The following FAT3 variants were observed in gnomAD, a reference collection of about 807,000 sequenced individuals.
FAT3 encodes FAT atypical cadherin 3.
Under a neutral mutation model 310.2 loss-of-function variants are expected in FAT3, and 95 were observed. The ratio of observed to expected loss-of-function variants is 0.31; its 90% CI spans 0.26 to 0.36. The LOEUF is 0.36. Among genes scored for constraint, FAT3 ranks in the 10% least tolerant of loss-of-function variants. The pLI is 1.00. For synonymous variants in FAT3, 2,314 were observed against 2,192.9 expected (o/e 1.06, Z -1.54); for missense variants, 5,408 against 5,715.6 (o/e 0.95, Z 1.74).
chr11:92,761,161 T>C (rs915819123), intron 4 of FAT3, among the ~76,000 whole-genome samples: 1 of 152,160 alleles, frequency 6.6e-6, no homozygotes, highest in Non-Finnish European at 1.5e-5. Context: ...AATTTATTGT[T>C]CACAATTCTG....
chr11:92,535,160 C>T (rs930670885), intron 3 of FAT3, among the ~76,000 whole-genome samples: 2 of 152,102 alleles, frequency 1.3e-5, no homozygotes, highest in African/African-American at 4.8e-5. Context: ...ACTCCGTATG[C>T]CAAGGTGCTG....
chr11:92,472,568 C>T (rs1336677989), intron 2 of FAT3, among the ~76,000 whole-genome samples: 1 of 152,096 alleles, frequency 6.6e-6, no homozygotes, highest in Non-Finnish European at 1.5e-5. Context: ...AAGATGTTTC[C>T]AGCTAAGATA....
intron 2 of FAT3, among the ~76,000 whole-genome samples, chr11:92,411,803 T>C (rs916819164): frequency 6.6e-6 from 1 of 152,110 alleles, no homozygotes; most frequent in African/African-American, 2.4e-5. Context: ...TTTCCTCTGT[T>C]TGCATTCTCG....
At chr11:92,419,928 A>G (rs949078627) in intron 2 of FAT3, among the ~76,000 whole-genome samples, 3 of 152,208 alleles carry the variant, frequency 2.0e-5, no homozygotes, top group African/African-American at 7.2e-5. Flanking sequence ...GTCTTCGGGA[A>G]GATAGGAAAT....
chr11:92,478,135 T>C (rs1050492868), intron 2 of FAT3, among the ~76,000 whole-genome samples: 22 of 152,198 alleles, frequency 1.4e-4, no homozygotes, highest in African/African-American at 5.3e-4. Context: ...CCAAATAAAA[T>C]GTTTTCCTAG....
chr11:92,371,963 C>T (rs944017061), intron 2 of FAT3, among the ~76,000 whole-genome samples: 5 of 152,190 alleles, frequency 3.3e-5, no homozygotes, highest in Middle Eastern at 3.4e-3. Context: ...CATATAAATT[C>T]GTGTGTTTTT....
chr11:92,717,127 G>A (rs2135962663), intron 4 of FAT3, among the ~76,000 whole-genome samples: 1 of 152,242 alleles, frequency 6.6e-6, no homozygotes, highest in East Asian at 1.9e-4. Context: ...AGAATGTCTT[G>A]CGTACAGTAA....
intron 1 of FAT3, among the ~76,000 whole-genome samples, chr11:92,271,730 G>A (rs1305613777): frequency 6.6e-6 from 1 of 152,126 alleles, no homozygotes; most frequent in Non-Finnish European, 1.5e-5. Context: ...AAAGAGAGAG[G>A]TAACAATTTG....
intron 4 of FAT3, among the ~76,000 whole-genome samples, chr11:92,723,718 C>G (rs1050758617): frequency 1.3e-5 from 2 of 152,168 alleles, no homozygotes; most frequent in African/African-American, 4.8e-5. Flanking sequence ...AAAGGCACAT[C>G]TTATGTGGTG....
At chr11:92,426,339 A>T (rs1950632837) in intron 2 of FAT3, among the ~76,000 whole-genome samples, 1 of 151,986 alleles carries the variant, frequency 6.6e-6, no homozygotes, top group South Asian at 2.1e-4. Flanking sequence ...TTGCCTGTTC[A>T]CTCTGATGAT....
At chr11:92,341,701 CA>C (rs746440624) in intron 1 of FAT3, among the ~76,000 whole-genome samples, 23 of 152,264 alleles carry the variant, frequency 1.5e-4, no homozygotes, top group Middle Eastern at 3.4e-3. Context: ...TACCTCTCTG[CA>C]GTATGTTCAT....
At chr11:92,682,322 A>G (rs1943503607) in intron 3 of FAT3, among the ~76,000 whole-genome samples, 1 of 152,224 alleles carries the variant, frequency 6.6e-6, no homozygotes, top group Non-Finnish European at 1.5e-5. Flanking sequence ...ATTGGTTGTT[A>G]ACTATGTCAG....
At chr11:92,857,118 C>A in intron 19 of FAT3, 96 bp from the exon 20 acceptor site, 1 of 1,572,638 alleles carries the variant, frequency 6.4e-7, no homozygotes, top group Non-Finnish European at 8.7e-7. Flanking sequence ...AGCTCTTGAG[C>A]CATTTGTGTG....
chr11:92,515,407 C>A (rs555115496), intron 2 of FAT3, among the ~76,000 whole-genome samples: 1 of 151,936 alleles, frequency 6.6e-6, no homozygotes, highest in Admixed American at 6.6e-5. Context: ...TTTCTACATT[C>A]GGTATGGAAA....
At chr11:92,459,921 A>G (rs1379078236) in intron 2 of FAT3, among the ~76,000 whole-genome samples, 1 of 152,132 alleles carries the variant, frequency 6.6e-6, no homozygotes, top group Non-Finnish European at 1.5e-5. Context: ...CTTTCAAAGT[A>G]TAATATTAAG....
intron 1 of FAT3, among the ~76,000 whole-genome samples, chr11:92,313,321 C>T (rs1947355957): frequency 6.6e-6 from 1 of 152,142 alleles, no homozygotes; most frequent in Non-Finnish European, 1.5e-5. Context: ...TTCAGAATGC[C>T]CTTCTTCCAC....
intron 3 of FAT3, among the ~76,000 whole-genome samples, chr11:92,631,491 A>G (rs1301639939): frequency 2.6e-5 from 4 of 151,958 alleles, no homozygotes; most frequent in Non-Finnish European, 5.9e-5. Flanking sequence ...ATAGTGAGTG[A>G]GTTCTCATGA....
At chr11:92,578,186 T>G (rs1199347249) in intron 3 of FAT3, among the ~76,000 whole-genome samples, 1 of 149,888 alleles carries the variant, frequency 6.7e-6, no homozygotes, top group Non-Finnish European at 1.5e-5. Context: ...GAGTTTTAAA[T>G]GTTAAAGATC....
At chr11:92,664,612 C>T (rs754745171) in intron 3 of FAT3, among the ~76,000 whole-genome samples, 6 of 152,108 alleles carry the variant, frequency 3.9e-5, no homozygotes, top group Admixed American at 6.5e-5. Flanking sequence ...CACACATGCA[C>T]ACTTTTTAAA....
Sources: gnomAD v4.1 joint callset for allele counts (sites outside exome capture counted in the v4.1 genomes callset) on GRCh38, gnomAD v4.1.1 for gene constraint, MANE v1.5 for transcripts, NCBI Gene and HGNC (gene_info 2026-07-23, HGNC 2026-07-21) for gene names.